EFCAB12: variants seen among roughly 807,000 people sequenced by gnomAD.
EFCAB12 encodes EF-hand calcium-binding domain-containing protein 12.
A neutral mutation model predicts 53.6 loss-of-function variants in EFCAB12; 43 were observed. The ratio of observed to expected loss-of-function variants is 0.80; its 90% CI spans 0.63 to 1.03. The LOEUF (loss-of-function observed/expected upper bound fraction) is 1.03. Ranked by LOEUF, EFCAB12 falls within the 50% of genes least tolerant of loss-of-function variation. EFCAB12 has a pLI of 0.00. For synonymous variants in EFCAB12, 269 were observed against 289.2 expected (o/e 0.93, Z 0.71); for missense variants, 646 against 730.6 (o/e 0.88, Z 1.34).
At position 129,416,317 on chromosome 3, in the gene EFCAB12, T is replaced by C. The variant is rs559923733; in HGVS notation, c.682-916A>G. Among the ~76,000 whole-genome samples the C allele has an allele frequency of 1.2e-4, 18 of 152,194 alleles. No homozygotes were observed. The South Asian group carries it at 1.4e-3, about 12-fold the overall frequency. On this transcript the variant is annotated intron_variant, in intron 3 of 8. Transcript: ENST00000505956. ...CCTGTAATCCCAGCACCCAGGAGGC[T>C]GAGGCAGGAGAATCCCTTGAACCAG...
At chr3:129,407,315 CTG>C (rs2071966409) in intron 6 of EFCAB12, among the ~76,000 whole-genome samples, 1 of 152,188 alleles carries the variant, frequency 6.6e-6, no homozygotes, top group Non-Finnish European at 1.5e-5. Flanking sequence ...AGTCCACAGA[CTG>C]GTATTTTGTT....
chr3:129,421,323 C>T, intron 2 of EFCAB12, 44 bp downstream of exon 2: 1 of 1,543,424 alleles, frequency 6.5e-7, no homozygotes, highest in Non-Finnish European at 8.8e-7. Flanking sequence ...AATGATGCAT[C>T]CCTAAACCCT....
intron 2 of EFCAB12, among the ~76,000 whole-genome samples, chr3:129,419,014 CA>C (rs908784340): frequency 3.9e-5 from 6 of 152,144 alleles, no homozygotes; most frequent in African/African-American, 1.4e-4. Context: ...GTGCTCCTCC[CA>C]GGGTGCTTAT....
intron 1 of EFCAB12, among the ~76,000 whole-genome samples, chr3:129,427,202 C>A (rs1208157435): frequency 1.3e-5 from 2 of 151,852 alleles, no homozygotes; most frequent in East Asian, 3.9e-4. Flanking sequence ...GTTGCCCAGG[C>A]TATTCTCAAA....
intron 6 of EFCAB12, among the ~76,000 whole-genome samples, chr3:129,404,907 G>A (rs2071928370): frequency 6.6e-6 from 1 of 152,158 alleles, no homozygotes; most frequent in African/African-American, 2.4e-5. Flanking sequence ...CAACTTCCTG[G>A]GCTTAAGCGA....
chr3:129,428,293 G>C, intron 1 of EFCAB12, 147 bp downstream of exon 1: 1 of 1,128,426 alleles, frequency 8.9e-7, no homozygotes, highest in Non-Finnish European at 1.3e-6. Context: ...TCTCAGAAAT[G>C]TACATGACCT....
At chr3:129,415,459 T>C in intron 3 of EFCAB12, 58 bp from the exon 4 acceptor site, 2 of 1,600,924 alleles carry the variant, frequency 1.2e-6, no homozygotes, top group East Asian at 2.3e-5. Context: ...CCTGCTCTGA[T>C]GGCCAAGGCC....
chr3:129,410,348 G>C (rs2072019912), intron 5 of EFCAB12, among the ~76,000 whole-genome samples: 1 of 148,290 alleles, frequency 6.7e-6, no homozygotes, highest in East Asian at 2.0e-4. Flanking sequence ...ACAAGATCTT[G>C]CTCTTTCCCC....
At position 129,406,048 on chromosome 3, in the gene EFCAB12, T is replaced by TAAAAAA. The variant is rs528836223; in HGVS notation, c.1250-1651_1250-1646dup. 1.1e-3 allele frequency among the ~76,000 whole-genome samples: 154 copies of TAAAAAA among 137,852 alleles called. 8 individuals are homozygous for TAAAAAA. The East Asian group carries it at 0.028, about 25-fold the overall frequency. The allele number at this position is 137,852 out of a possible 152,430, so 90.4% of individuals were successfully genotyped here. A position where few individuals can be genotyped will look rare whatever the true frequency, so the allele number is the denominator to read the frequency against. ...GGCAACAAAGCAAGACCCCATCTCT[T>TAAAAAA]AAAAAAAAAAAAAAAGTGGCTCGAT... On this transcript the variant is annotated intron_variant, in intron 6 of 8. Coordinates refer to ENST00000505956, the MANE Select transcript of EFCAB12 (RefSeq NM_207307.3).
chr3:129,426,630 C>T (rs1006577086), intron 1 of EFCAB12, among the ~76,000 whole-genome samples: 3 of 151,602 alleles, frequency 2.0e-5, no homozygotes, highest in African/African-American at 7.3e-5. Flanking sequence ...TCCCAAAGTG[C>T]TAGGATTACA....
chr3:129,423,875 C>T (rs1324857512), intron 1 of EFCAB12, among the ~76,000 whole-genome samples: 1 of 152,092 alleles, frequency 6.6e-6, no homozygotes, highest in Non-Finnish European at 1.5e-5. Flanking sequence ...CACCAACACA[C>T]ACAAGCCATG....
intron 3 of EFCAB12, among the ~76,000 whole-genome samples, chr3:129,417,973 A>T (rs2072139338): frequency 6.6e-6 from 1 of 152,196 alleles, no homozygotes; most frequent in Non-Finnish European, 1.5e-5. Flanking sequence ...TCTCCAAGGT[A>T]GCTGGCTGGT....
intron 2 of EFCAB12, among the ~76,000 whole-genome samples, chr3:129,420,115 C>A (rs1278860203): frequency 6.6e-6 from 1 of 152,142 alleles, no homozygotes; most frequent in Non-Finnish European, 1.5e-5. Context: ...GTGTTAGACC[C>A]ATGAAATTAG....
At chr3:129,406,497 A>G (rs1264577710) in intron 6 of EFCAB12, among the ~76,000 whole-genome samples, 2 of 152,068 alleles carry the variant, frequency 1.3e-5, no homozygotes, top group Non-Finnish European at 2.9e-5. Context: ...GTGTGTGTGT[A>G]TGAGAGAGAG....
At chr3:129,419,744 G>C (rs944901746) in intron 2 of EFCAB12, among the ~76,000 whole-genome samples, 1 of 152,054 alleles carries the variant, frequency 6.6e-6, no homozygotes, top group African/African-American at 2.4e-5. Context: ...CCAGGACTGT[G>C]AGCCAAAAAA....
At chr3:129,415,511 C>T (rs2072104703) in intron 3 of EFCAB12, 110 bp from the exon 4 acceptor site, 4 of 1,374,524 alleles carry the variant, frequency 2.9e-6, no homozygotes, top group Non-Finnish European at 4.0e-6. Context: ...CCAGTTTCAT[C>T]CTCAACCACT....
At chr3:129,415,156 G>C in intron 4 of EFCAB12, 89 bp downstream of exon 4, 3 of 1,432,690 alleles carry the variant, frequency 2.1e-6, no homozygotes, top group Non-Finnish European at 2.8e-6. Context: ...CACTGAGGAA[G>C]TGAGTTTGGA....
In EFCAB12 at chr3:129,421,482, C is replaced by T. The variant is rs755700164; in HGVS notation, c.371G>A (p.Arg124Lys). 2 of 1,614,024 alleles carry T rather than the reference C, an allele frequency of 1.2e-6. No homozygotes were observed. The highest frequency in any genetic ancestry group is 2.2e-5 in the South Asian group (2 of 91,086). The part of the protein sequence containing the change: ...QELESFGDVK[R>K]WLENKPSITP... ...GATGCTGGGCTTGTTCTCCAGCCACCTCTTTACATCACCAAAGGACTCTAG... is the reference window on the plus strand; with the variant it reads ...GATGCTGGGCTTGTTCTCCAGCCACTTCTTTACATCACCAAAGGACTCTAG... Residue 124 changes from arginine to lysine, a missense_variant, in exon 2 of 9, where the codon AGG becomes AAG. Transcript: ENST00000505956.
At chr3:129,405,800 C>T (rs182257753) in intron 6 of EFCAB12, among the ~76,000 whole-genome samples, 1 of 152,094 alleles carries the variant, frequency 6.6e-6, no homozygotes, top group Non-Finnish European at 1.5e-5. Context: ...TAGCAAGTGG[C>T]CAAGACAGTG....
Sources: allele counts gnomAD v4.1 joint callset (sites outside exome capture counted in the v4.1 genomes callset), GRCh38; gene constraint gnomAD v4.1.1; transcripts MANE v1.5; gene names NCBI Gene and HGNC (gene_info 2026-07-23, HGNC 2026-07-21).